The following KDM4C variants were observed in gnomAD, a reference collection of about 807,000 sequenced individuals.
KDM4C encodes the protein lysine demethylase 4C.
KDM4C carries 81 observed loss-of-function variants against 129.3 expected under a neutral mutation model. The observed-to-expected ratio is 0.63, with a 90% CI of 0.52 to 0.75. KDM4C has a LOEUF of 0.75. Ranked by LOEUF, KDM4C falls within the 30% of genes least tolerant of loss-of-function variation. The probability of loss-of-function intolerance (pLI) is 0.00; values close to 1 mark genes in which losing one functional copy is unlikely to be tolerated. For missense variants in KDM4C, 1,457 were observed against 1,304.0 expected, an observed-to-expected ratio of 1.12 and a Z score of -1.81; for synonymous variants, 573 against 456.1, an observed-to-expected ratio of 1.26 and a Z score of -3.26.
At chr9:6,750,964 G>A (rs1055104593) in intron 1 of KDM4C, among the ~76,000 whole-genome samples, 6 of 152,124 alleles carry the variant, frequency 3.9e-5, no homozygotes, top group Non-Finnish European at 7.3e-5. Flanking sequence ...CAGTCCACTG[G>A]GTGGGTACCT....
chr9:6,724,022 G>A (rs1817047414), intron 1 of KDM4C: 1 of 152,224 alleles, frequency 6.6e-6, no homozygotes, highest in Non-Finnish European at 1.5e-5. Flanking sequence ...ACATGATTAA[G>A]AGCTTACCTT....
intron 8 of KDM4C, among the ~76,000 whole-genome samples, chr9:6,917,448 C>T (rs890492792): frequency 9.2e-5 from 14 of 152,312 alleles, no homozygotes; most frequent in Admixed American, 8.5e-4. Flanking sequence ...TGTAAAGATA[C>T]CTTTGGTTTC....
At chr9:6,971,966 G>T (rs906233275) in intron 8 of KDM4C, among the ~76,000 whole-genome samples, 1 of 152,090 alleles carries the variant, frequency 6.6e-6, no homozygotes, top group African/African-American at 2.4e-5. Context: ...ATGTAATGAT[G>T]ACAGATATTC....
chr9:7,091,512 C>T (rs1041369067), intron 17 of KDM4C, among the ~76,000 whole-genome samples: 1 of 152,058 alleles, frequency 6.6e-6, no homozygotes, highest in African/African-American at 2.4e-5. Flanking sequence ...TATTTGGGCA[C>T]AGATGTCTAG....
intron 19 of KDM4C, among the ~76,000 whole-genome samples, chr9:7,163,039 G>C (rs1426118024): frequency 6.6e-6 from 1 of 152,100 alleles, no homozygotes; most frequent in Non-Finnish European, 1.5e-5. Context: ...GGCTTACCTA[G>C]TGATGGGCCG....
chr9:6,725,397 C>G (rs1408732501), intron 1 of KDM4C, among the ~76,000 whole-genome samples: 2 of 151,988 alleles, frequency 1.3e-5, no homozygotes, highest in Non-Finnish European at 2.9e-5. Flanking sequence ...TGATATTTTT[C>G]TGGATAGTGG....
chr9:6,985,364 GT>G (rs1190441013), intron 10 of KDM4C, among the ~76,000 whole-genome samples: 1 of 152,222 alleles, frequency 6.6e-6, no homozygotes, highest in Non-Finnish European at 1.5e-5. Context: ...TGAAATAGCT[GT>G]GTGGATAGAG....
intron 19 of KDM4C, among the ~76,000 whole-genome samples, chr9:7,160,705 C>T (rs1377493419): frequency 3.3e-5 from 5 of 152,186 alleles, no homozygotes; most frequent in African/African-American, 9.6e-5. Flanking sequence ...CTGGAAGCTT[C>T]GTCCCAGAAG....
chr9:6,825,639 A>G (rs890431016), intron 4 of KDM4C, among the ~76,000 whole-genome samples: 1 of 152,204 alleles, frequency 6.6e-6, no homozygotes, highest in African/African-American at 2.4e-5. Context: ...ATGTGAACTC[A>G]TGTCTCTGCA....
At chr9:7,012,997 A>G (rs1243158852) in intron 13 of KDM4C, among the ~76,000 whole-genome samples, 1 of 152,130 alleles carries the variant, frequency 6.6e-6, no homozygotes, top group African/African-American at 2.4e-5. Context: ...ATGTTTTTTA[A>G]TGTGGCACTG....
chr9:6,858,308 C>G (rs1009938706), intron 5 of KDM4C, among the ~76,000 whole-genome samples: 1 of 151,830 alleles, frequency 6.6e-6, no homozygotes, highest in Non-Finnish European at 1.5e-5. Context: ...CCTTAGGATG[C>G]TTGCTGAATC....
intron 8 of KDM4C, among the ~76,000 whole-genome samples, chr9:6,979,067 C>T (rs1204855260): frequency 6.6e-6 from 1 of 152,148 alleles, no homozygotes; most frequent in African/African-American, 2.4e-5. Flanking sequence ...AAGTGGGGAG[C>T]ATCACTTTTG....
intron 17 of KDM4C, among the ~76,000 whole-genome samples, chr9:7,087,767 A>G (rs556855206): frequency 2.6e-5 from 4 of 152,312 alleles, no homozygotes; most frequent in East Asian, 1.9e-4. Flanking sequence ...TCAAATGACA[A>G]TGGTATTTAG....
chr9:6,876,660 G>A (rs200852050), intron 5 of KDM4C, among the ~76,000 whole-genome samples: 1 of 152,132 alleles, frequency 6.6e-6, no homozygotes, highest in Non-Finnish European at 1.5e-5. Flanking sequence ...AAGTAGTGCC[G>A]TGGTGTAGGG....
chr9:6,763,033 T>TG (rs545142703), intron 1 of KDM4C, among the ~76,000 whole-genome samples: 34 of 150,120 alleles, frequency 2.3e-4, no homozygotes, highest in Non-Finnish European at 3.0e-4. Context: ...CTTCCGCTGG[T>TG]GGGGGGGGAT....
chr9:6,854,506 C>G (rs1385314613), intron 5 of KDM4C, among the ~76,000 whole-genome samples: 2 of 94,456 alleles, frequency 2.1e-5, no homozygotes, highest in Admixed American at 3.1e-4. Context: ...GCCTGGGCAA[C>G]AAGAGCGAAA....
At chr9:6,947,407 C>G (rs1454171605) in intron 8 of KDM4C, among the ~76,000 whole-genome samples, 1 of 151,912 alleles carries the variant, frequency 6.6e-6, no homozygotes. Flanking sequence ...AGCATTAATG[C>G]TTTCTTAATG....
intron 8 of KDM4C, among the ~76,000 whole-genome samples, chr9:6,913,923 T>A (rs774303079): frequency 6.6e-6 from 1 of 152,224 alleles, no homozygotes; most frequent in Non-Finnish European, 1.5e-5. Context: ...GAGCAGGGAA[T>A]GAGCTAACAG....
chr9:6,801,239 A>ATTTTTT (rs59151680), intron 2 of KDM4C, among the ~76,000 whole-genome samples: 9 of 65,738 alleles, frequency 1.4e-4, no homozygotes, highest in Non-Finnish European at 2.4e-4. Flanking sequence ...GAGTAGGGAA[A>ATTTTTT]TTTTTTTTTT....
Sources: allele counts gnomAD v4.1 joint callset (sites outside exome capture counted in the v4.1 genomes callset), GRCh38; gene constraint gnomAD v4.1.1; transcripts MANE v1.5; gene names NCBI Gene and HGNC (gene_info 2026-07-23, HGNC 2026-07-21).